NSUN7: variants seen among roughly 807,000 people sequenced by gnomAD.
NSUN7 encodes NOP2/Sun RNA methyltransferase family member 7, also known as protein NSUN7.
Under a neutral mutation model 58.5 loss-of-function variants are expected in NSUN7, and 39 were observed. The ratio of observed to expected loss-of-function variants is 0.67; its 90% CI spans 0.52 to 0.87. The LOEUF (loss-of-function observed/expected upper bound fraction) is 0.87. Ranked by LOEUF, NSUN7 falls within the 40% of genes least tolerant of loss-of-function variation. The pLI is 0.00. For missense variants in NSUN7, 765 were observed against 844.1 expected, an observed-to-expected ratio of 0.91 and a Z score of 1.16; for synonymous variants, 278 against 303.7, an observed-to-expected ratio of 0.92 and a Z score of 0.88.
rs759222603 is a variant in NSUN7, at chr4:40,807,087, G to T, written c.1427G>T (p.Cys476Phe). 23 of 1,551,448 alleles carry T rather than the reference G, an allele frequency of 1.5e-5. No homozygotes were observed. The highest frequency in any genetic ancestry group is 6.1e-6 in the Non-Finnish European group (7 of 1,146,858). Residue 476 changes from cysteine (C) to phenylalanine (F), a missense_variant, in exon 11 of 12, where the codon TGC becomes TTC. Transcript: ENST00000381782. Reference protein sequence around the residue: ...YRLSPPVLPLCSLKEIQLSTD... With the variant: ...YRLSPPVLPLFSLKEIQLSTD... ...CTTAGTCCTCCTGTTCTTCCACTGT[G>T]CTCCTTAAAGGAAATTCAATTGTCT...
chr4:40,774,408 G>T lies in NSUN7; in HGVS notation c.632G>T (p.Cys211Phe). The change falls in exon 5 of 12, where the codon TGT (cysteine) becomes TTT (phenylalanine). Residue 211 changes from cysteine (C) to phenylalanine (F), a missense_variant. By Grantham distance (205) the Cys-to-Phe change is radical. Transcript: ENST00000381782. Reference protein sequence around the residue: ...TLPLYAWINTCKISPEEVYNN... With the variant: ...TLPLYAWINTFKISPEEVYNN... ...CCACTTTATGCTTGGATAAATACTT[G>T]TAAAATCAGGTAAGTGTTTAAATCA... 6.2e-7 allele frequency: 1 copy of T among 1,612,610 alleles called. No individual in the cohort carries two copies. The highest frequency in any genetic ancestry group is 8.5e-7 in the Non-Finnish European group (1 of 1,179,188).
intron 1 of NSUN7, 142 bp downstream of exon 1, chr4:40,750,442 C>A (rs1740753386): frequency 8.8e-6 from 4 of 452,710 alleles, no homozygotes; most frequent in Admixed American, 4.1e-5. Flanking sequence ...CACCCCTCCT[C>A]GCTTTTTTTT....
intron 2 of NSUN7, among the ~76,000 whole-genome samples, chr4:40,751,916 A>T (rs1740855454): frequency 6.6e-6 from 1 of 152,162 alleles, no homozygotes. Context: ...GGATCGCTTG[A>T]GCCTGGGAGG....
chr4:40,801,492 T>G (rs1743577469), intron 10 of NSUN7, among the ~76,000 whole-genome samples: 1 of 152,230 alleles, frequency 6.6e-6, no homozygotes, highest in Non-Finnish European at 1.5e-5. Context: ...ATTCTTTTTC[T>G]TCTTTTCACA....
rs753159680 is a variant in NSUN7 at position 40,808,545 on chromosome 4, C to T, written c.1763C>T (p.Pro588Leu). ...ANLSETVTKP[P>L]LPQKNTAQVG... ...CTATCAGAGACTGTAACAAAACCACCTCTTCCCCAGAAAAATACTGCTCAA... is the reference window on the plus strand; with the variant it reads ...CTATCAGAGACTGTAACAAAACCACTTCTTCCCCAGAAAAATACTGCTCAA... Residue 588 changes from proline to leucine, a missense_variant, in exon 12 of 12, where the codon CCT becomes CTT. Coordinates refer to ENST00000381782, the MANE Select transcript of NSUN7 (RefSeq NM_024677.6). 13 of 1,551,756 alleles carry T rather than the reference C, an allele frequency of 8.4e-6. No homozygotes were observed. Among genetic ancestry groups the T allele is most frequent in the Non-Finnish European group, 1.1e-5 (13 of 1,147,054 alleles).
chr4:40,778,476 T>G (rs1024986601), intron 7 of NSUN7, among the ~76,000 whole-genome samples: 8 of 152,166 alleles, frequency 5.3e-5, no homozygotes, highest in Admixed American at 1.3e-4. Flanking sequence ...AGAGCCCTCA[T>G]GAATGGGATT....
rs575032208 is a variant in NSUN7, at chr4:40,775,815, C to T, written c.826-234C>T. The stretch of plus-strand genomic sequence containing the variant: ...TTAGAGATTCTGGCATTGCTTTATA[C>T]AAAACTTAGACAGTAACAGTCATAA... On this transcript the variant is annotated intron_variant, in intron 6 of 11. Coordinates refer to ENST00000381782, the MANE Select transcript of NSUN7 (RefSeq NM_024677.6). The surrounding 1 kb of genome is among the most constrained non-coding windows in gnomAD (Gnocchi z 4.3). 3.2e-4 allele frequency among the ~76,000 whole-genome samples: 49 copies of T among 152,232 alleles called. No individual in the cohort carries two copies. The highest frequency in any genetic ancestry group is 4.0e-4 in the Non-Finnish European group (27 of 67,998).
intron 10 of NSUN7, among the ~76,000 whole-genome samples, chr4:40,801,791 A>G (rs918755786): frequency 6.7e-6 from 1 of 150,306 alleles, no homozygotes; most frequent in African/African-American, 2.4e-5. Flanking sequence ...AGTCCCAGCT[A>G]TTCGGGAGGC....
chr4:40,754,536 A>G (rs532186597), intron 2 of NSUN7, among the ~76,000 whole-genome samples: 3 of 152,302 alleles, frequency 2.0e-5, no homozygotes, highest in African/African-American at 7.2e-5. Flanking sequence ...ATACTTTCAC[A>G]TGTGATATTT....
In NSUN7 at chr4:40,775,904, T is replaced by G. The variant is rs1742236171; in HGVS notation, c.826-145T>G. Reference sequence around the variant, plus strand: ...CAGTTGTCTTTGTTAACTCTTTACTTAGACATATATTAAGATGTTAAAACT... The same window carrying G: ...CAGTTGTCTTTGTTAACTCTTTACTGAGACATATATTAAGATGTTAAAACT... On this transcript the variant is annotated intron_variant, in intron 6 of 11. Coordinates refer to ENST00000381782, the MANE Select transcript of NSUN7 (RefSeq NM_024677.6). The surrounding 1 kb of genome is among the most constrained non-coding windows in gnomAD (Gnocchi z 4.3). 2.0e-6 allele frequency: 1 copy of G among 508,640 alleles called. No homozygotes were observed. Among genetic ancestry groups the G allele is most frequent in the South Asian group, 3.6e-5 (1 of 28,038 alleles). 31.5% of individuals were successfully genotyped at this position (508,640 alleles called of 1,614,324 possible).
chr4:40,779,353 C>T (rs1353955195), intron 7 of NSUN7, among the ~76,000 whole-genome samples: 1 of 152,110 alleles, frequency 6.6e-6, no homozygotes, highest in Non-Finnish European at 1.5e-5. Context: ...CTTGTAATCC[C>T]AGCACTTTGG....
chr4:40,767,931 T>C (rs1393708671), intron 4 of NSUN7, among the ~76,000 whole-genome samples: 1 of 152,224 alleles, frequency 6.6e-6, no homozygotes, highest in Non-Finnish European at 1.5e-5. Context: ...TGCTAGTTTC[T>C]TCACTGAGAC....
intron 4 of NSUN7, among the ~76,000 whole-genome samples, chr4:40,769,123 C>T (rs1157133072): frequency 6.6e-6 from 1 of 152,208 alleles, no homozygotes; most frequent in African/African-American, 2.4e-5. Flanking sequence ...TACACTGAGC[C>T]TGTGTGCTTC....
Position 40,760,699 on chromosome 4 carries a change from TAA to T in NSUN7, c.357+211_357+212del, listed in dbSNP as rs1429471812. ...CCAACATGGAGAAACCTGGCTCTAC[TAA>T]AAATACAAAATTAGCTGGGTGTGGT... On this transcript the variant is annotated intron_variant, in intron 3 of 11. Transcript: ENST00000381782. Among the ~76,000 whole-genome samples, 6 of 151,972 alleles carry T rather than the reference TAA, an allele frequency of 3.9e-5. No homozygotes were observed. In the East Asian group the frequency reaches 1.2e-3, roughly 29 times the overall value.
intron 2 of NSUN7, among the ~76,000 whole-genome samples, chr4:40,753,295 T>TA (rs1427363991): frequency 6.6e-6 from 1 of 150,680 alleles, no homozygotes; most frequent in East Asian, 1.9e-4. Flanking sequence ...TTTTTTTTTT[T>TA]AGACAGAGTC....
chr4:40,781,072 C>CATAT (rs147381643), intron 7 of NSUN7, among the ~76,000 whole-genome samples: 2 of 149,324 alleles, frequency 1.3e-5, no homozygotes, highest in Non-Finnish European at 3.0e-5. Flanking sequence ...CCCGCCTCGG[C>CATAT]ATATATATAT....
At chr4:40,797,496 T>C (rs1437310524) in intron 9 of NSUN7, among the ~76,000 whole-genome samples, 2 of 152,222 alleles carry the variant, frequency 1.3e-5, no homozygotes, top group Non-Finnish European at 2.9e-5. Context: ...CAGTTAATGA[T>C]AGTTGTAGCC....
chr4:40,785,506 C>T (rs1742773781), intron 7 of NSUN7, among the ~76,000 whole-genome samples: 1 of 152,012 alleles, frequency 6.6e-6, no homozygotes, highest in African/African-American at 2.4e-5. Flanking sequence ...ATTACAGGCA[C>T]GTGCCACCAT....
chr4:40,781,696 T>C (rs2154288108), intron 7 of NSUN7, among the ~76,000 whole-genome samples: 1 of 152,354 alleles, frequency 6.6e-6, no homozygotes, highest in East Asian at 1.9e-4. Flanking sequence ...GCCTTCTGTC[T>C]TGGCCTCCCA....
Sources: allele counts gnomAD v4.1 joint callset (sites outside exome capture counted in the v4.1 genomes callset), GRCh38; gene constraint gnomAD v4.1.1; non-coding constraint Gnocchi (gnomAD v3.1); transcripts MANE v1.5; gene names NCBI Gene and HGNC (gene_info 2026-07-23, HGNC 2026-07-21).